STON1: variants seen among roughly 807,000 people sequenced by gnomAD.
STON1 encodes the protein stonin-1.
STON1 carries 79 observed loss-of-function variants against 60.9 expected under a neutral mutation model. The observed-to-expected ratio is 1.30, with a 90% confidence interval of 1.08 to 1.56. The LOEUF is 1.56. Ranked by LOEUF, STON1 falls within the 40% of genes most tolerant of loss-of-function variation. STON1 has a pLI of 0.00. For synonymous variants in STON1, 363 were observed against 306.9 expected (o/e 1.18, Z -1.91); for missense variants, 1,166 against 858.9 (o/e 1.36, Z -4.47).
intron 1 of STON1, among the ~76,000 whole-genome samples, chr2:48,540,377 G>A (rs561438468): frequency 6.6e-6 from 1 of 152,242 alleles, no homozygotes; most frequent in East Asian, 1.9e-4. Context: ...CCCAAGGCAG[G>A]ACTCTAATGT....
chr2:48,537,836 C>G (rs1277671820), intron 1 of STON1, among the ~76,000 whole-genome samples: 2 of 107,294 alleles, frequency 1.9e-5, no homozygotes, highest in Admixed American at 2.5e-4. Context: ...GGCGACAGAG[C>G]AAGACTTCAT....
intron 1 of STON1, among the ~76,000 whole-genome samples, chr2:48,545,804 C>T (rs975276924): frequency 2.6e-5 from 4 of 152,194 alleles, no homozygotes; most frequent in African/African-American, 9.7e-5. Flanking sequence ...GTATGTGGCT[C>T]AGGCATTCAG....
At chr2:48,543,937 C>A (rs1027447575) in intron 1 of STON1, among the ~76,000 whole-genome samples, 3 of 152,082 alleles carry the variant, frequency 2.0e-5, no homozygotes, top group Non-Finnish European at 4.4e-5. Flanking sequence ...TCATGAAGTC[C>A]CCAAGTGATT....
rs1197299789 is a variant in STON1 at position 48,597,276 on chromosome 2, C to T, written c.*1974C>T. 1 of 152,128 alleles carries T rather than the reference C, an allele frequency of 6.6e-6. No individual in the cohort carries two copies. The highest frequency in any genetic ancestry group is 6.6e-5 in the Admixed American group (1 of 15,258). The allele number at this position is 152,128 out of a possible 1,614,324, so 9.4% of individuals were successfully genotyped here. A position where few individuals can be genotyped will look rare whatever the true frequency, so the allele number is the denominator to read the frequency against. ...TCATTAAAAAAATTCTACCATCTTT[C>T]TTTATCATCTGGTGTGGGCGCACTC... On this transcript the variant is annotated 3_prime_UTR_variant, in exon 4 of 4. Transcript: ENST00000404752.
Position 48,591,636 on chromosome 2 carries a change from A to T in STON1, c.1931-17A>T, listed in dbSNP as rs1674519161. On this transcript the variant is annotated splice_polypyrimidine_tract_variant and intron_variant, in intron 2 of 3. Coordinates refer to ENST00000404752, the MANE Select transcript of STON1 (RefSeq NM_006873.4). The stretch of plus-strand genomic sequence containing the variant: ...GCCATTAAAATACTTTGACTATTTG[A>T]TTTTTTTTCCCTCGAGGTCTAGATC... The T allele has an allele frequency of 1.9e-6, 3 of 1,610,318 alleles. No homozygotes were observed. The African/African-American group carries it at 4.0e-5, about 22-fold the overall frequency.
intron 3 of STON1, among the ~76,000 whole-genome samples, chr2:48,593,317 A>G (rs1249883275): frequency 6.6e-6 from 1 of 151,428 alleles, no homozygotes; most frequent in Non-Finnish European, 1.5e-5. Flanking sequence ...GGGTTTCACC[A>G]TGTTGGCCAG....
In STON1 at chr2:48,580,633, G is replaced by C. The variant is rs149572071; in HGVS notation, c.-1G>C. ...GACAAGACCACAATCTGATCCCAAA[G>C]ATGTGCTCCACAAATCCAGGCAAAT... On this transcript the variant is annotated 5_prime_UTR_variant, in exon 2 of 4. Transcript: ENST00000404752. 1.8e-4 allele frequency: 247 copies of C among 1,355,864 alleles called. No individual in the cohort carries two copies. The African/African-American group carries it at 3.3e-3, about 18-fold the overall frequency. The allele number at this position is 1,355,864 out of a possible 1,614,324, so 84.0% of individuals were successfully genotyped here.
In STON1 at chr2:48,537,849, CA is replaced by C. The variant is rs553635752; in HGVS notation, c.-48+7646del. On this transcript the variant is annotated intron_variant, in intron 1 of 3. Coordinates refer to ENST00000404752, the MANE Select transcript of STON1 (RefSeq NM_006873.4). ...TGGGCGACAGAGCAAGACTTCATCT[CA>C]AAAAAAAAAAAAGAAAAAAAAAGGA... Among the ~76,000 whole-genome samples, 124 of 74,290 alleles carry C rather than the reference CA, an allele frequency of 1.7e-3. 1 individual carries two copies. The highest frequency in any genetic ancestry group is 0.011 in the Middle Eastern group (1 of 94). The allele number at this position is 74,290 out of a possible 152,430, so 48.7% of individuals were successfully genotyped here.
At chr2:48,567,325 A>G (rs942998252) in intron 1 of STON1, among the ~76,000 whole-genome samples, 2 of 152,112 alleles carry the variant, frequency 1.3e-5, no homozygotes, top group Non-Finnish European at 2.9e-5. Flanking sequence ...TCCTTAAGGT[A>G]TTGTGTTTTC....
chr2:48,572,668 G>A (rs749474579), intron 1 of STON1, among the ~76,000 whole-genome samples: 43 of 152,140 alleles, frequency 2.8e-4, no homozygotes, highest in Non-Finnish European at 4.4e-4. Flanking sequence ...CATCAGAATC[G>A]TATTCAGTCT....
rs115943290 is a variant in STON1, at chr2:48,589,871, T to C, written c.1931-1782T>C. On this transcript the variant is annotated intron_variant, in intron 2 of 3. Transcript: ENST00000404752. Reference sequence around the variant, plus strand: ...TTGAATAGCACTTTGCAAAATAATATGTCTGGCTCATCTATATTGCTATAG... The same window carrying C: ...TTGAATAGCACTTTGCAAAATAATACGTCTGGCTCATCTATATTGCTATAG... Among the ~76,000 whole-genome samples the C allele has an allele frequency of 7.1e-3, 1,088 of 152,338 alleles. 17 individuals carry two copies. The highest frequency in any genetic ancestry group is 0.024 in the African/African-American group (1,010 of 41,580).
chr2:48,583,262 G>GT (rs2103923460), intron 2 of STON1, among the ~76,000 whole-genome samples: 1 of 151,994 alleles, frequency 6.6e-6, no homozygotes, highest in East Asian at 1.9e-4. Flanking sequence ...CTAATTTTTT[G>GT]TTTTTTAGTA....
At chr2:48,587,857 C>A (rs1674301714) in intron 2 of STON1, among the ~76,000 whole-genome samples, 1 of 152,182 alleles carries the variant, frequency 6.6e-6, no homozygotes, top group Admixed American at 6.5e-5. Context: ...CACAGTGGGG[C>A]TGTGTCAGGT....
chr2:48,574,933 G>C (rs999916257), intron 1 of STON1, among the ~76,000 whole-genome samples: 1 of 152,206 alleles, frequency 6.6e-6, no homozygotes, highest in African/African-American at 2.4e-5. Flanking sequence ...TGTTATGAAC[G>C]ATATGCACAT....
chr2:48,577,341 G>C (rs917647402), intron 1 of STON1, among the ~76,000 whole-genome samples: 12 of 151,946 alleles, frequency 7.9e-5, no homozygotes, highest in African/African-American at 2.7e-4. Context: ...CCAGCACTTT[G>C]GGAGGCCGAG....
chr2:48,588,748 T>A (rs1674350063), intron 2 of STON1, among the ~76,000 whole-genome samples: 1 of 152,176 alleles, frequency 6.6e-6, no homozygotes, highest in African/African-American at 2.4e-5. Flanking sequence ...GATTGACCTT[T>A]TTTACTGGGG....
chr2:48,570,847 T>TG (rs1673166011), intron 1 of STON1, among the ~76,000 whole-genome samples: 3 of 132,204 alleles, frequency 2.3e-5, no homozygotes, highest in African/African-American at 9.0e-5. Flanking sequence ...CTCTGAGTTT[T>TG]TTTTTTTTTT....
At chr2:48,589,568 A>G (rs1674400347) in intron 2 of STON1, among the ~76,000 whole-genome samples, 2 of 152,246 alleles carry the variant, frequency 1.3e-5, no homozygotes, top group African/African-American at 4.8e-5. Context: ...AAAAGCCTTA[A>G]AAAATAAGCC....
chr2:48,541,050 A>T (rs1005046338), intron 1 of STON1, among the ~76,000 whole-genome samples: 1 of 152,122 alleles, frequency 6.6e-6, no homozygotes, highest in Non-Finnish European at 1.5e-5. Flanking sequence ...TTAACTCCTA[A>T]TTTAAAAGTT....
Sources: gnomAD v4.1 joint callset for allele counts (sites outside exome capture counted in the v4.1 genomes callset) on GRCh38, gnomAD v4.1.1 for gene constraint, MANE v1.5 for transcripts, NCBI Gene and HGNC (gene_info 2026-07-23, HGNC 2026-07-21) for gene names.